The following LSG1 variants were observed in gnomAD, a reference collection of about 807,000 sequenced individuals.
The protein encoded by LSG1 is large subunit GTPase 1 homolog.
Under a neutral mutation model 82.6 loss-of-function variants are expected in LSG1, and 55 were observed. That is an observed-to-expected ratio of 0.67 (90% confidence interval 0.54 to 0.83). LSG1 has a LOEUF of 0.83. LSG1 is among the 40% of genes least tolerant of loss of function. LSG1 has a pLI of 0.00. For missense variants in LSG1, 809 were observed against 807.9 expected (o/e 1.00, Z -0.02); for synonymous variants, 272 against 282.5 (o/e 0.96, Z 0.37).
intron 10 of LSG1, among the ~76,000 whole-genome samples, chr3:194,649,902 G>C (rs1279571234): frequency 1.3e-5 from 2 of 150,400 alleles, no homozygotes; most frequent in Non-Finnish European, 2.9e-5. Flanking sequence ...CTCAGACCTT[G>C]CAGTTTTTTT....
Position 194,644,974 on chromosome 3 carries a change from CTCTT to C in LSG1, c.1624-232_1624-229del, listed in dbSNP as rs764675810. 19 of 379,230 alleles carry C rather than the reference CTCTT, an allele frequency of 5.0e-5. 1 individual carries two copies. The highest frequency in any genetic ancestry group is 1.4e-3 in the Middle Eastern group (2 of 1,448). The allele number at this position is 379,230 out of a possible 1,614,324, so 23.5% of individuals were successfully genotyped here. A position where few individuals can be genotyped will look rare whatever the true frequency, so the allele number is the denominator to read the frequency against. On this transcript the variant is annotated intron_variant, in intron 12 of 13. Coordinates refer to ENST00000265245, the MANE Select transcript of LSG1 (RefSeq NM_018385.3). ...ATGGCGCCCCAGACTAGGATGAAAT[CTCTT>C]TCTTCTTTTCTCGTTTGCATTCCCA...
intron 1 of LSG1, among the ~76,000 whole-genome samples, chr3:194,671,489 A>G: frequency 6.6e-6 from 1 of 152,158 alleles, no homozygotes; most frequent in Non-Finnish European, 1.5e-5. Context: ...ATGAATGGTG[A>G]AAATAACGAC....
intron 7 of LSG1, among the ~76,000 whole-genome samples, chr3:194,656,790 C>T (rs1718798436): frequency 6.6e-6 from 1 of 152,048 alleles, no homozygotes; most frequent in Admixed American, 6.6e-5. Flanking sequence ...AAATGTGGCA[C>T]ATATACACCA....
intron 2 of LSG1, among the ~76,000 whole-genome samples, chr3:194,666,927 T>C (rs1488027021): frequency 1.3e-5 from 2 of 152,184 alleles, no homozygotes; most frequent in Non-Finnish European, 2.9e-5. Flanking sequence ...ACTCACTGAA[T>C]AGATGCTCTG....
At chr3:194,671,811 G>A (rs909137844) in intron 1 of LSG1, 5 of 528,848 alleles carry the variant, frequency 9.5e-6, no homozygotes, top group African/African-American at 2.0e-5. Context: ...TCAAGACCTG[G>A]CATTGAAGAC....
chr3:194,641,981 T>G lies in LSG1; in HGVS notation c.*87A>C. On this transcript the variant is annotated 3_prime_UTR_variant, in exon 14 of 14. Coordinates refer to ENST00000265245, the MANE Select transcript of LSG1 (RefSeq NM_018385.3). ...AGCAGGGCCCGTTCTACAGTGCTAG[T>G]GTCTTGGGACGGTTCCACAGGCAAC... 2.1e-6 allele frequency: 3 copies of G among 1,426,346 alleles called. No individual in the cohort carries two copies. The highest frequency in any genetic ancestry group is 1.3e-5 in the South Asian group (1 of 75,628). 88.4% of individuals were successfully genotyped at this position (1,426,346 alleles called of 1,614,324 possible).
chr3:194,648,710 G>A lies in LSG1; in HGVS notation c.1514C>T (p.Thr505Ile). The A allele has an allele frequency of 6.2e-7, 1 of 1,614,142 alleles. No individual in the cohort carries two copies. Among genetic ancestry groups the A allele is most frequent in the Non-Finnish European group, 8.5e-7 (1 of 1,180,010 alleles). ...ATAAGCTGTCAACAGTTCTTCCGATGTTGGAGGTCGGTGGGGATCTTCATC... is the reference window on the plus strand; with the variant it reads ...ATAAGCTGTCAACAGTTCTTCCGATATTGGAGGTCGGTGGGGATCTTCATC... The part of the protein sequence containing the change: ...REDEDPHRPP[T>I]SEELLTAYGY... Residue 505 changes from threonine (T) to isoleucine (I), a missense_variant, in exon 11 of 14, where the codon ACA (threonine) becomes ATA (isoleucine). Coordinates refer to ENST00000265245, the MANE Select transcript of LSG1 (RefSeq NM_018385.3).
At chr3:194,657,405 A>C (rs1365291341) in intron 7 of LSG1, among the ~76,000 whole-genome samples, 2 of 152,090 alleles carry the variant, frequency 1.3e-5, no homozygotes, top group Non-Finnish European at 2.9e-5. Flanking sequence ...AAGTTGAGGT[A>C]AAACAGAACA....
Position 194,648,788 on chromosome 3 carries a change from G to A in LSG1, c.1436C>T (p.Pro479Leu). 6.2e-7 allele frequency: 1 copy of A among 1,613,714 alleles called. No homozygotes were observed. Among genetic ancestry groups the A allele is most frequent in the Non-Finnish European group, 8.5e-7 (1 of 1,179,824 alleles). The change falls in exon 11 of 14, where the codon CCA (proline) becomes CTA (leucine). Residue 479 changes from proline (P) to leucine (L), a missense_variant. By Grantham distance (98) the Pro-to-Leu change is moderately conservative. Transcript: ENST00000265245. ...ATAGGTAGCTTCTAAAACATGTCTTGGAATATTCTGGCAAACGTAGCTTGT... is the reference window on the plus strand; with the variant it reads ...ATAGGTAGCTTCTAAAACATGTCTTAGAATATTCTGGCAAACGTAGCTTGT... Reference protein sequence around the residue: ...PPVSLVCQNIPRHVLEATYGI... With the variant: ...PPVSLVCQNILRHVLEATYGI...
At chr3:194,657,993 G>T (rs1718840261) in intron 7 of LSG1, among the ~76,000 whole-genome samples, 1 of 152,140 alleles carries the variant, frequency 6.6e-6, no homozygotes, top group African/African-American at 2.4e-5. Context: ...TCATGGAGGG[G>T]AGGGTGTTGT....
chr3:194,670,994 G>C (rs991472756), intron 1 of LSG1, among the ~76,000 whole-genome samples: 2 of 152,178 alleles, frequency 1.3e-5, no homozygotes, highest in African/African-American at 4.8e-5. Context: ...GACTGAGGCA[G>C]GGGGATTATT....
In LSG1 at chr3:194,643,909, T is replaced by C. The variant is rs185110204; in HGVS notation, c.1797+664A>G. ...TGACACAGGCTACAACATGGATGAA[T>C]GTTTAAGATACCACGCTAAATGAAA... On this transcript the variant is annotated intron_variant, in intron 13 of 13. Transcript: ENST00000265245. 3.1e-3 allele frequency among the ~76,000 whole-genome samples: 468 copies of C among 152,288 alleles called. 2 individuals are homozygous for C. The highest frequency in any genetic ancestry group is 0.011 in the African/African-American group (449 of 41,562).
intron 11 of LSG1, among the ~76,000 whole-genome samples, chr3:194,646,996 G>A (rs1263154455): frequency 1.3e-5 from 2 of 152,190 alleles, no homozygotes; most frequent in African/African-American, 2.4e-5. Flanking sequence ...GCGAAGCATG[G>A]TGGTTAAGAA....
At chr3:194,651,087 T>C (rs753699199) in intron 9 of LSG1, 28 bp downstream of exon 9, 2 of 1,613,864 alleles carry the variant, frequency 1.2e-6, no homozygotes, top group South Asian at 1.1e-5. Flanking sequence ...AAGAGCTGCA[T>C]GCAAGTGGCA....
chr3:194,668,385 T>C (rs576072841), intron 2 of LSG1, among the ~76,000 whole-genome samples: 13 of 152,330 alleles, frequency 8.5e-5, no homozygotes, highest in Admixed American at 2.6e-4. Context: ...CACCATTTTA[T>C]ACTCCCACAG....
rs374414624 is a variant in LSG1 at position 194,672,182 on chromosome 3, G to A, written c.-20C>T. The A allele has an allele frequency of 3.3e-5, 52 of 1,560,458 alleles. No individual in the cohort carries two copies. The highest frequency in any genetic ancestry group is 4.5e-5 in the Non-Finnish European group (51 of 1,145,606). ...GCCCATGGCAACACGACCGCTGGAC[G>A]AAGCTTCCCGGCTCGGCGCGTGCAG... On this transcript the variant is annotated 5_prime_UTR_variant, in exon 1 of 14. Coordinates refer to ENST00000265245, the MANE Select transcript of LSG1 (RefSeq NM_018385.3).
chr3:194,656,716 C>T (rs1718797112), intron 7 of LSG1, among the ~76,000 whole-genome samples: 1 of 151,928 alleles, frequency 6.6e-6, no homozygotes, highest in East Asian at 1.9e-4. Context: ...TATTGCAGCA[C>T]TATTCACAAT....
intron 2 of LSG1, among the ~76,000 whole-genome samples, chr3:194,667,942 A>T (rs868405891): frequency 1.0e-4 from 9 of 86,970 alleles, no homozygotes; most frequent in Non-Finnish European, 1.4e-4. Context: ...AAAAAAAAAA[A>T]ATATATATAT....
At chr3:194,647,858 T>C (rs764643003) in intron 11 of LSG1, among the ~76,000 whole-genome samples, 4 of 151,008 alleles carry the variant, frequency 2.6e-5, no homozygotes, top group Non-Finnish European at 4.4e-5. Context: ...AGGTCTTTTC[T>C]TGTTCTATGA....
Sources: gnomAD v4.1 joint callset for allele counts (sites outside exome capture counted in the v4.1 genomes callset) on GRCh38, gnomAD v4.1.1 for gene constraint, MANE v1.5 for transcripts, NCBI Gene and HGNC (gene_info 2026-07-23, HGNC 2026-07-21) for gene names.